The following ZCWPW2 variants were observed in gnomAD, a reference collection of about 807,000 sequenced individuals.
ZCWPW2 encodes zinc finger CW-type PWWP domain protein 2.
In ZCWPW2, 45 loss-of-function variants were observed where a neutral mutation model predicts 46.6. The ratio of observed to expected loss-of-function variants is 0.96; its 90% CI spans 0.76 to 1.24. The LOEUF is 1.24. Ranked by LOEUF, ZCWPW2 falls within the 50% of genes most tolerant of loss-of-function variation. ZCWPW2 has a pLI of 0.00. For missense variants in ZCWPW2, 429 were observed against 403.9 expected, an observed-to-expected ratio of 1.06 and a Z score of -0.53; for synonymous variants, 152 against 137.1, an observed-to-expected ratio of 1.11 and a Z score of -0.76.
rs924935511 is a variant in ZCWPW2 at position 28,348,838 on chromosome 3, C to T, written c.-499C>T. 7 of 541,004 alleles carry T rather than the reference C, an allele frequency of 1.3e-5. No individual in the cohort carries two copies. In the East Asian group the frequency reaches 8.9e-4, roughly 69 times the overall value. 33.5% of individuals were successfully genotyped at this position (541,004 alleles called of 1,614,324 possible). ...TTCTGGAAGGAGGGACGAGCCGAGG[C>T]AGGAGGGGCCGGGCCGACGCGAGAG... On this transcript the variant is annotated 5_prime_UTR_variant, in exon 1 of 10. Coordinates refer to ENST00000383768, the MANE Select transcript of ZCWPW2 (RefSeq NM_001040432.4).
chr3:28,493,020 T>G (rs1192691391), intron 6 of ZCWPW2, among the ~76,000 whole-genome samples: 2 of 149,258 alleles, frequency 1.3e-5, no homozygotes, highest in Non-Finnish European at 3.0e-5. Flanking sequence ...TTGTACATTT[T>G]ATGAGTCCTT....
chr3:28,457,247 C>T (rs1011302301), intron 4 of ZCWPW2, among the ~76,000 whole-genome samples: 5 of 152,176 alleles, frequency 3.3e-5, no homozygotes, highest in African/African-American at 1.2e-4. Context: ...ACTGATTCTG[C>T]ATCACATATT....
At chr3:28,437,979 G>T (rs933091386) in intron 4 of ZCWPW2, among the ~76,000 whole-genome samples, 2 of 152,118 alleles carry the variant, frequency 1.3e-5, no homozygotes, top group Non-Finnish European at 2.9e-5. Context: ...CCAGGAAAAG[G>T]CTTGGACTGT....
intron 3 of ZCWPW2, among the ~76,000 whole-genome samples, chr3:28,421,404 C>G (rs1696780589): frequency 6.6e-6 from 1 of 152,152 alleles, no homozygotes; most frequent in African/African-American, 2.4e-5. Context: ...GATTTGCAGT[C>G]CAGGCTCACC....
chr3:28,417,101 G>T (rs994538470), intron 3 of ZCWPW2, among the ~76,000 whole-genome samples: 2 of 143,208 alleles, frequency 1.4e-5, no homozygotes, highest in East Asian at 2.0e-4. Context: ...TTGATAGACC[G>T]CTAGGAAGAC....
intron 9 of ZCWPW2, among the ~76,000 whole-genome samples, chr3:28,521,494 C>T (rs1422466629): frequency 7.2e-5 from 11 of 152,110 alleles, no homozygotes; most frequent in African/African-American, 2.2e-4. Context: ...AAATCTGCCC[C>T]GTCTGGATTA....
At chr3:28,426,644 A>T (rs186074929) in intron 3 of ZCWPW2, among the ~76,000 whole-genome samples, 2 of 152,290 alleles carry the variant, frequency 1.3e-5, no homozygotes, top group East Asian at 3.9e-4. Flanking sequence ...TAATATACTA[A>T]TAATATGTGT....
At chr3:28,350,063 C>G (rs1704483243) in intron 1 of ZCWPW2, among the ~76,000 whole-genome samples, 1 of 152,170 alleles carries the variant, frequency 6.6e-6, no homozygotes, top group Non-Finnish European at 1.5e-5. Context: ...AAACGATTTG[C>G]TTCAATTTAC....
chr3:28,511,949 A>G (rs1700438423), intron 6 of ZCWPW2, among the ~76,000 whole-genome samples: 1 of 152,156 alleles, frequency 6.6e-6, no homozygotes, highest in South Asian at 2.1e-4. Flanking sequence ...TAATCATGGA[A>G]ATCAACAATC....
rs144179498 is a variant in ZCWPW2 at position 28,386,218 on chromosome 3, T to C, written c.-133-4280T>C. ...TGATCTGGGAGGATTAATGCCCTTA[T>C]AAGAAAAGACACCAGAAAACTCACT... On this transcript the variant is annotated intron_variant, in intron 1 of 9. Coordinates refer to ENST00000383768, the MANE Select transcript of ZCWPW2 (RefSeq NM_001040432.4). 2.5e-3 allele frequency among the ~76,000 whole-genome samples: 374 copies of C among 152,148 alleles called. 1 individual carries two copies. Among genetic ancestry groups the C allele is most frequent in the African/African-American group, 8.2e-3 (342 of 41,504 alleles).
At chr3:28,470,554 A>C (rs975128098) in intron 4 of ZCWPW2, among the ~76,000 whole-genome samples, 3 of 151,950 alleles carry the variant, frequency 2.0e-5, no homozygotes, top group African/African-American at 7.2e-5. Flanking sequence ...TGATAATGGA[A>C]ACATGACATA....
Position 28,349,062 on chromosome 3 carries a change from A to G in ZCWPW2, c.-275A>G. 1 of 985,812 alleles carries G rather than the reference A, an allele frequency of 1.0e-6. No homozygotes were observed. The highest frequency in any genetic ancestry group is 1.2e-6 in the Non-Finnish European group (1 of 830,296). The allele number at this position is 985,812 out of a possible 1,614,324, so 61.1% of individuals were successfully genotyped here. A position where few individuals can be genotyped will look rare whatever the true frequency, so the allele number is the denominator to read the frequency against. On this transcript the variant is annotated 5_prime_UTR_variant, in exon 1 of 10. Transcript: ENST00000383768. ...GGAAGTCAGGCCCGAGGGAGCTGGG[A>G]GGGCGTTAGCGAAGCCAGGTTCGGT...
intron 1 of ZCWPW2, among the ~76,000 whole-genome samples, chr3:28,381,696 G>A (rs185539325): frequency 6.6e-6 from 1 of 152,226 alleles, no homozygotes; most frequent in African/African-American, 2.4e-5. Flanking sequence ...CTGAGTGGGA[G>A]GATTGCATGA....
At chr3:28,515,455 G>T in intron 7 of ZCWPW2, 99 bp from the exon 8 acceptor site, 1 of 833,706 alleles carries the variant, frequency 1.2e-6, no homozygotes, top group Non-Finnish European at 1.9e-6. Flanking sequence ...GAAAATATAT[G>T]CATTTATAAT....
intron 6 of ZCWPW2, among the ~76,000 whole-genome samples, chr3:28,500,581 A>T (rs1300711345): frequency 2.0e-5 from 3 of 152,148 alleles, no homozygotes; most frequent in Non-Finnish European, 4.4e-5. Context: ...GAGGAATTTC[A>T]GCTATTATGT....
intron 6 of ZCWPW2, among the ~76,000 whole-genome samples, chr3:28,505,571 G>C (rs1050217159): frequency 1.3e-5 from 2 of 152,132 alleles, no homozygotes; most frequent in African/African-American, 4.8e-5. Context: ...TGGATACTCA[G>C]ATTAAGTAAT....
At chr3:28,506,906 C>T (rs1314078433) in intron 6 of ZCWPW2, among the ~76,000 whole-genome samples, 1 of 152,052 alleles carries the variant, frequency 6.6e-6, no homozygotes, top group Non-Finnish European at 1.5e-5. Context: ...TGGATATTTT[C>T]TGAAATGTTA....
At position 28,507,916 on chromosome 3, in the gene ZCWPW2, G is replaced by A. The variant is rs147865776; in HGVS notation, c.658-6148G>A. On this transcript the variant is annotated intron_variant, in intron 6 of 9. Transcript: ENST00000383768. ...TTCAGCATTTTCTGTTTGTAATTCT[G>A]TGTTTTCACTTTGTACATTTTAAAG... Among the ~76,000 whole-genome samples, 173 of 152,144 alleles carry A rather than the reference G, an allele frequency of 1.1e-3. 1 individual carries two copies. Among genetic ancestry groups the A allele is most frequent in the African/African-American group, 4.1e-3 (171 of 41,508 alleles).
At chr3:28,507,511 G>A (rs1222374659) in intron 6 of ZCWPW2, among the ~76,000 whole-genome samples, 1 of 150,808 alleles carries the variant, frequency 6.6e-6, no homozygotes, top group African/African-American at 2.4e-5. Context: ...TTTTGAGATG[G>A]TGTCTCCCTT....
Sources: allele counts gnomAD v4.1 joint callset (sites outside exome capture counted in the v4.1 genomes callset), GRCh38; gene constraint gnomAD v4.1.1; transcripts MANE v1.5; gene names NCBI Gene and HGNC (gene_info 2026-07-23, HGNC 2026-07-21).